Variants in ETS1 observed in about 807,000 individuals in gnomAD.
ETS1 encodes the protein ETS proto-oncogene 1, transcription factor, also known as protein C-ets-1.
Under a neutral mutation model 58.6 loss-of-function variants are expected in ETS1, and 15 were observed. The ratio of observed to expected loss-of-function variants is 0.26; its 90% confidence interval spans 0.17 to 0.39. The LOEUF (loss-of-function observed/expected upper bound fraction) is 0.39. Among genes scored for constraint, ETS1 ranks in the 10% least tolerant of loss-of-function variants. The pLI, the probability that ETS1 is intolerant of heterozygous loss-of-function variation, is 1.00. For synonymous variants in ETS1, 214 were observed against 218.2 expected, an observed-to-expected ratio of 0.98 and a Z score of 0.17; for missense variants, 417 against 610.5, an observed-to-expected ratio of 0.68 and a Z score of 3.34.
At chr11:128,584,314 G>A (rs1032814015) in intron 1 of ETS1, among the ~76,000 whole-genome samples, 1 of 152,200 alleles carries the variant, frequency 6.6e-6, no homozygotes, top group Admixed American at 6.5e-5. Context: ...CTAAATTTGT[G>A]TAAATGTCTT....
At chr11:128,518,477 T>C (rs765696234) in intron 3 of ETS1, among the ~76,000 whole-genome samples, 2 of 152,238 alleles carry the variant, frequency 1.3e-5, no homozygotes, top group African/African-American at 4.8e-5. Flanking sequence ...AATCCTGATA[T>C]TCATCCTATG....
intron 2 of ETS1, among the ~76,000 whole-genome samples, chr11:128,562,158 T>C (rs1210150883): frequency 6.6e-6 from 1 of 152,164 alleles, no homozygotes; most frequent in Non-Finnish European, 1.5e-5. Context: ...ATCCCAGCAC[T>C]TTGGGAGGCC....
chr11:128,523,918 C>CA (rs397745696), intron 3 of ETS1, among the ~76,000 whole-genome samples: 34,760 of 142,834 alleles, frequency 0.24, 4,744 homozygotes, highest in Admixed American at 0.35. Context: ...AAATGAACCA[C>CA]AAAAAAAAAA....
chr11:128,567,790 AC>A (rs1864535516), intron 2 of ETS1, among the ~76,000 whole-genome samples: 1 of 151,856 alleles, frequency 6.6e-6, no homozygotes, highest in South Asian at 2.1e-4. Context: ...CCAATACCAC[AC>A]CCGGCTAATT....
At chr11:128,573,648 G>C (rs1864683985) in intron 1 of ETS1, among the ~76,000 whole-genome samples, 1 of 152,174 alleles carries the variant, frequency 6.6e-6, no homozygotes, top group African/African-American at 2.4e-5. Flanking sequence ...TAAACAGAGA[G>C]AAACCCTGCA....
At chr11:128,471,595 T>C (rs1862189319) in intron 8 of ETS1, among the ~76,000 whole-genome samples, 1 of 152,242 alleles carries the variant, frequency 6.6e-6, no homozygotes, top group Non-Finnish European at 1.5e-5. Context: ...GGTTTCTTTA[T>C]AGCTCTTTCC....
intron 3 of ETS1, among the ~76,000 whole-genome samples, chr11:128,534,320 T>C (rs1003541156): frequency 3.3e-5 from 5 of 152,180 alleles, no homozygotes; most frequent in Admixed American, 6.5e-5. Context: ...GATGAGTAGA[T>C]GACTAGACTA....
chr11:128,534,262 C>G (rs147593710), intron 3 of ETS1, among the ~76,000 whole-genome samples: 1,793 of 152,298 alleles, frequency 0.012, 24 homozygotes, highest in South Asian at 0.026. Flanking sequence ...AAATTTCCTT[C>G]CAAGTGTTTT....
chr11:128,460,332 C>T lies in ETS1; in HGVS notation c.*2029G>A, dbSNP rs933013006. 4.6e-5 allele frequency: 7 copies of T among 152,770 alleles called. No homozygotes were observed. The highest frequency in any genetic ancestry group is 1.4e-4 in the African/African-American group (6 of 41,444). 9.5% of individuals were successfully genotyped at this position (152,770 alleles called of 1,614,324 possible). ...TCTGCCTTTGCTTTCCATATGGATG[C>T]TCCAATTCATCAGTATGGGGACACT... On this transcript the variant is annotated 3_prime_UTR_variant, in exon 10 of 10. Coordinates refer to ENST00000392668, the MANE Select transcript of ETS1 (RefSeq NM_001143820.2).
chr11:128,507,260 G>A (rs192180870), intron 3 of ETS1, among the ~76,000 whole-genome samples: 77 of 152,328 alleles, frequency 5.1e-4, no homozygotes, highest in African/African-American at 1.7e-3. Context: ...AGGCAGGGAC[G>A]GAGGGAGGGA....
At chr11:128,585,319 G>A (rs1865009823) in intron 1 of ETS1, among the ~76,000 whole-genome samples, 1 of 140,220 alleles carries the variant, frequency 7.1e-6, no homozygotes, top group South Asian at 2.4e-4. Flanking sequence ...GAGGGAAGAA[G>A]GAAGGAAGGA....
chr11:128,490,911 G>A (rs113816659), intron 3 of ETS1, among the ~76,000 whole-genome samples: 4,686 of 151,706 alleles, frequency 0.031, 239 homozygotes, highest in African/African-American at 0.11. Flanking sequence ...GGAGAGACAG[G>A]GTTTCACCAT....
At chr11:128,499,163 C>A (rs1863021233) in intron 3 of ETS1, among the ~76,000 whole-genome samples, 1 of 152,188 alleles carries the variant, frequency 6.6e-6, no homozygotes, top group South Asian at 2.1e-4. Context: ...CATAGGATAA[C>A]CCCATCCAGG....
rs551407454 is a variant in ETS1, at chr11:128,487,467, G to A, written c.536-1321C>T. 3.9e-5 allele frequency among the ~76,000 whole-genome samples: 6 copies of A among 152,266 alleles called. No homozygotes were observed. In the South Asian group the frequency reaches 6.2e-4, roughly 16 times the overall value. ...AAATAAAAATATATTGAGGGCAGGC[G>A]CGGTGGCTCACGCCTGTAATCCCAG... On this transcript the variant is annotated intron_variant, in intron 5 of 9. Coordinates refer to ENST00000392668, the MANE Select transcript of ETS1 (RefSeq NM_001143820.2).
At chr11:128,473,654 T>C (rs1313886935) in intron 8 of ETS1, among the ~76,000 whole-genome samples, 1 of 152,154 alleles carries the variant, frequency 6.6e-6, no homozygotes, top group African/African-American at 2.4e-5. Flanking sequence ...CATCCCCAAG[T>C]GACTGATGGG....
chr11:128,571,284 C>T (rs1565414815), intron 2 of ETS1, among the ~76,000 whole-genome samples: 1 of 151,704 alleles, frequency 6.6e-6, no homozygotes, highest in Non-Finnish European at 1.5e-5. Flanking sequence ...GGCGTGGTGG[C>T]GGGCGCCTGT....
In ETS1 at chr11:128,470,923, A is replaced by G. The variant is rs116047289; in HGVS notation, c.1124-7296T>C. ...CCCATGTTAAAAGTGCACACGCACCAAAAGAGACAGCAGATGCAAACTGCT... is the reference window on the plus strand; with the variant it reads ...CCCATGTTAAAAGTGCACACGCACCGAAAGAGACAGCAGATGCAAACTGCT... On this transcript the variant is annotated intron_variant, in intron 8 of 9. Coordinates refer to ENST00000392668, the MANE Select transcript of ETS1 (RefSeq NM_001143820.2). Among the ~76,000 whole-genome samples the G allele has an allele frequency of 4.6e-3, 701 of 152,362 alleles. 16 individuals are homozygous for G. Among genetic ancestry groups the G allele is most frequent in the African/African-American group, 0.016 (678 of 41,584 alleles).
chr11:128,555,347 A>G (rs1243042161), intron 3 of ETS1, among the ~76,000 whole-genome samples: 1 of 152,226 alleles, frequency 6.6e-6, no homozygotes, highest in Non-Finnish European at 1.5e-5. Context: ...GGGGTAAAAT[A>G]ACACTGAACC....
intron 3 of ETS1, among the ~76,000 whole-genome samples, chr11:128,515,264 A>C (rs566228014): frequency 6.6e-6 from 1 of 151,336 alleles, no homozygotes; most frequent in African/African-American, 2.4e-5. Context: ...ACACACACAC[A>C]CACACACACG....
Sources: allele counts gnomAD v4.1 joint callset (sites outside exome capture counted in the v4.1 genomes callset), GRCh38; gene constraint gnomAD v4.1.1; transcripts MANE v1.5; gene names NCBI Gene and HGNC (gene_info 2026-07-23, HGNC 2026-07-21).